The following ZNF71 variants were observed in gnomAD, a reference collection of about 807,000 sequenced individuals.
ZNF71 encodes the protein endothelial zinc finger protein induced by tumor necrosis factor alpha.
Under a neutral mutation model 6.7 loss-of-function variants are expected in ZNF71, and 3 were observed. The ratio of observed to expected loss-of-function variants is 0.45; its 90% CI spans 0.20 to 1.16. ZNF71 has a LOEUF of 1.16. Among genes scored for constraint, ZNF71 ranks in the 50% most tolerant of loss-of-function variants. The pLI is 0.25. For missense variants in ZNF71, 688 were observed against 728.6 expected, an observed-to-expected ratio of 0.94 and a Z score of 0.64; for synonymous variants, 343 against 311.1, an observed-to-expected ratio of 1.10 and a Z score of -1.08.
chr19:56,622,394 C>T lies in ZNF71; in HGVS notation c.1287C>T (p.Leu429=). The T allele has an allele frequency of 6.2e-7, 1 of 1,613,808 alleles. No individual in the cohort carries two copies. Residue 429 remains leucine (L), a synonymous_variant, in exon 4 of 4, where the codon CTC becomes CTT. Coordinates refer to ENST00000599599, the MANE Select transcript of ZNF71 (RefSeq NM_001370215.1). The part of the protein sequence containing the change: ...CGKAFSKNSS[L]TQHQRIHTGE... ...AGGCCTTCAGCAAGAACTCCTCGCT[C>T]ACGCAGCACCAGCGCATCCACACCG... is the stretch of plus-strand genomic sequence containing the variant.
At chr19:56,605,388 T>A (rs2044703030) in intron 2 of ZNF71, among the ~76,000 whole-genome samples, 1 of 152,188 alleles carries the variant, frequency 6.6e-6, no homozygotes, top group Non-Finnish European at 1.5e-5. Context: ...GCCTCAGCTG[T>A]GCCATCCATA....
At chr19:56,600,830 G>A (rs1223330160) in intron 1 of ZNF71, among the ~76,000 whole-genome samples, 4 of 152,170 alleles carry the variant, frequency 2.6e-5, no homozygotes, top group Non-Finnish European at 4.4e-5. Flanking sequence ...AGGAGAACTG[G>A]AGGAGAATTG....
chr19:56,621,569 C>T lies in ZNF71; in HGVS notation c.462C>T (p.Asp154=), dbSNP rs148434207. Residue 154 remains aspartate (D), a synonymous_variant, in exon 4 of 4, where the codon GAC becomes GAT. Coordinates refer to ENST00000599599, the MANE Select transcript of ZNF71 (RefSeq NM_001370215.1). ...GTGTCCTGGTCCCACCACGGCTGGACGACCCCACAGAAAAGGGGGCCTGTC... is the reference window on the plus strand; with the variant it reads ...GTGTCCTGGTCCCACCACGGCTGGATGACCCCACAGAAAAGGGGGCCTGTC... ...QGCVLVPPRL[D]DPTEKGACPP... The T allele has an allele frequency of 7.0e-5, 113 of 1,614,066 alleles. No homozygotes were observed. Among genetic ancestry groups the T allele is most frequent in the Non-Finnish European group, 8.6e-5 (102 of 1,180,028 alleles).
At chr19:56,602,581 G>A (rs747669537) in intron 2 of ZNF71, among the ~76,000 whole-genome samples, 7 of 152,286 alleles carry the variant, frequency 4.6e-5, no homozygotes, top group Middle Eastern at 3.4e-3. Flanking sequence ...ATGGTGCCAC[G>A]TGATTTATTT....
At chr19:56,602,395 A>G (rs2044677548) in intron 2 of ZNF71, among the ~76,000 whole-genome samples, 1 of 152,210 alleles carries the variant, frequency 6.6e-6, no homozygotes, top group Non-Finnish European at 1.5e-5. Flanking sequence ...TTACGGCGGT[A>G]TGTATTCCCA....
At chr19:56,596,120 G>T (rs2044620864) in intron 1 of ZNF71, among the ~76,000 whole-genome samples, 1 of 151,976 alleles carries the variant, frequency 6.6e-6, no homozygotes, top group Non-Finnish European at 1.5e-5. Context: ...TGTTGTGGGT[G>T]TGTCAGCCTT....
At position 56,613,994 on chromosome 19, in the gene ZNF71, A is replaced by C. The variant is rs2044771317; in HGVS notation, c.160+56A>C. ...ATTGGCCCATAACTTCAGGACCACA[A>C]ATAAATTAAAAAAAAAAAAAGATCA... is the stretch of plus-strand genomic sequence containing the variant. On this transcript the variant is annotated intron_variant, in intron 3 of 3. Transcript: ENST00000599599. This position sits in a 1 kb window ranked among gnomAD's most constrained non-coding sequence, Gnocchi z 4.6. 15 of 1,037,008 alleles carry C rather than the reference A, an allele frequency of 1.4e-5. No individual in the cohort carries two copies. Among genetic ancestry groups the C allele is most frequent in the African/African-American group, 1.8e-5 (1 of 57,102 alleles). 64.2% of individuals were successfully genotyped at this position (1,037,008 alleles called of 1,614,324 possible).
chr19:56,622,166 C>T lies in ZNF71; in HGVS notation c.1059C>T (p.Thr353=), dbSNP rs1398876058. ...MHLTEHQRTH[T]GEKPYACKEC... ...TGACCGAGCACCAGCGCACGCACACCGGGGAGAAGCCGTACGCCTGCAAGG... is the reference window on the plus strand; with the variant it reads ...TGACCGAGCACCAGCGCACGCACACTGGGGAGAAGCCGTACGCCTGCAAGG... Residue 353 remains threonine, a synonymous_variant, in exon 4 of 4, where the codon ACC becomes ACT. Coordinates refer to ENST00000599599, the MANE Select transcript of ZNF71 (RefSeq NM_001370215.1). The T allele has an allele frequency of 6.2e-7, 1 of 1,612,890 alleles. No homozygotes were observed. Among genetic ancestry groups the T allele is most frequent in the Non-Finnish European group, 8.5e-7 (1 of 1,179,676 alleles).
At chr19:56,612,308 A>G (rs1363305824) in intron 2 of ZNF71, among the ~76,000 whole-genome samples, 1 of 152,186 alleles carries the variant, frequency 6.6e-6, no homozygotes, top group Admixed American at 6.5e-5. Context: ...GTGCCCATCA[A>G]CCAATGAATA....
intron 2 of ZNF71, among the ~76,000 whole-genome samples, chr19:56,608,232 T>A (rs994473411): frequency 6.6e-6 from 1 of 152,160 alleles, no homozygotes; most frequent in Admixed American, 6.5e-5. Context: ...TCCAGAACTC[T>A]TTGATCTTGT....
Position 56,603,123 on chromosome 19 carries a change from G to T in ZNF71, c.33+1532G>T, listed in dbSNP as rs182677824. On this transcript the variant is annotated intron_variant, in intron 2 of 3. Coordinates refer to ENST00000599599, the MANE Select transcript of ZNF71 (RefSeq NM_001370215.1). The surrounding 1 kb of genome is among the most constrained non-coding windows in gnomAD (Gnocchi z 4.6). ...AAAGTGTACAATTCACTGATTTTGG[G>T]TACATTCATAGAGTCGCGTTAACCA... Among the ~76,000 whole-genome samples, 3 of 152,178 alleles carry T rather than the reference G, an allele frequency of 2.0e-5. No homozygotes were observed. The highest frequency in any genetic ancestry group is 2.0e-4 in the Admixed American group (3 of 15,290).
Position 56,622,929 on chromosome 19 carries a change from A to G in ZNF71, c.*172A>G, listed in dbSNP as rs1159928888. On this transcript the variant is annotated 3_prime_UTR_variant, in exon 4 of 4. Coordinates refer to ENST00000599599, the MANE Select transcript of ZNF71 (RefSeq NM_001370215.1). Reference sequence around the variant, plus strand: ...GGCTGATCACACATGCCCCCTCCTTACTGAGCCTCAGAAAGCAAGCCCCTC... The same window carrying G: ...GGCTGATCACACATGCCCCCTCCTTGCTGAGCCTCAGAAAGCAAGCCCCTC... The G allele has an allele frequency of 2.4e-6, 2 of 845,356 alleles. No individual in the cohort carries two copies. The highest frequency in any genetic ancestry group is 3.6e-6 in the Non-Finnish European group (2 of 551,196). The allele number at this position is 845,356 out of a possible 1,614,324, so 52.4% of individuals were successfully genotyped here. A position where few individuals can be genotyped will look rare whatever the true frequency, so the allele number is the denominator to read the frequency against.
rs1362155253 is a variant in ZNF71 at position 56,601,506 on chromosome 19, G to C, written c.-52-1G>C. On this transcript the variant is annotated splice_acceptor_variant, in intron 1 of 3. Coordinates refer to ENST00000599599, the MANE Select transcript of ZNF71 (RefSeq NM_001370215.1). LOFTEE classifies it low-confidence loss of function (5UTR_SPLICE). ...TGCCTCCCTCTTTCTTCTCCCTACAGCACTGTTGGTCACCGCAGGCCTGTC... is the reference window on the plus strand; with the variant it reads ...TGCCTCCCTCTTTCTTCTCCCTACACCACTGTTGGTCACCGCAGGCCTGTC... 1 of 984,772 alleles carries C rather than the reference G, an allele frequency of 1.0e-6. No homozygotes were observed. Among genetic ancestry groups the C allele is most frequent in the African/African-American group, 1.8e-5 (1 of 57,084 alleles). 61.0% of individuals were successfully genotyped at this position (984,772 alleles called of 1,614,324 possible).
At position 56,621,984 on chromosome 19, in the gene ZNF71, G is replaced by T. The variant is rs777447946; in HGVS notation, c.877G>T (p.Glu293Ter). The T allele has an allele frequency of 6.3e-7, 1 of 1,591,112 alleles. No individual in the cohort carries two copies. Reference sequence around the variant, plus strand: ...GAAGACTTCCTCTCTCACCCAGCACGAGCGGATCCACACGGGGGAGAAGCC... The same window carrying T: ...GAAGACTTCCTCTCTCACCCAGCACTAGCGGATCCACACGGGGGAGAAGCC... ...FRKTSSLTQH[E>*]RIHTGEKPYA... The change falls in exon 4 of 4, where the codon GAG becomes TAG. Residue 293 changes from glutamate to a stop codon, truncating the protein, a stop_gained. Coordinates refer to ENST00000599599, the MANE Select transcript of ZNF71 (RefSeq NM_001370215.1). LOFTEE classifies it low-confidence loss of function (END_TRUNC).
At chr19:56,621,149 G>A (rs184980881) in intron 3 of ZNF71, 119 bp from the exon 4 acceptor site, 120 of 999,280 alleles carry the variant, frequency 1.2e-4, no homozygotes, top group East Asian at 2.7e-4. Flanking sequence ...TTGCTAACTC[G>A]CTCTGTGCCT....
intron 2 of ZNF71, among the ~76,000 whole-genome samples, chr19:56,605,241 G>A (rs1243339927): frequency 2.0e-5 from 3 of 152,102 alleles, no homozygotes; most frequent in Non-Finnish European, 4.4e-5. Flanking sequence ...CTTGGGGGTT[G>A]TACCACTGAA....
In ZNF71 at chr19:56,598,183, A is replaced by C. The variant is rs1292081772; in HGVS notation, c.-53+2755A>C. Among the ~76,000 whole-genome samples the C allele has an allele frequency of 6.6e-6, 1 of 152,120 alleles. No homozygotes were observed. The highest frequency in any genetic ancestry group is 2.4e-5 in the African/African-American group (1 of 41,436). ...GGGGAGAGAGTTGCTGCTTGAGGTC[A>C]GGTGATTGGGGGTAGAGGACTTCTC... On this transcript the variant is annotated intron_variant, in intron 1 of 3. Coordinates refer to ENST00000599599, the MANE Select transcript of ZNF71 (RefSeq NM_001370215.1). This position sits in a 1 kb window ranked among gnomAD's most constrained non-coding sequence, Gnocchi z 4.2.
At chr19:56,606,899 A>G (rs1363838642) in intron 2 of ZNF71, among the ~76,000 whole-genome samples, 1 of 152,184 alleles carries the variant, frequency 6.6e-6, no homozygotes, top group Non-Finnish European at 1.5e-5. Context: ...CCCTAAGGCC[A>G]GCCCACATTC....
At chr19:56,615,790 T>G (rs2044786588) in intron 3 of ZNF71, among the ~76,000 whole-genome samples, 2 of 152,200 alleles carry the variant, frequency 1.3e-5, no homozygotes, top group Non-Finnish European at 2.9e-5. Context: ...TTTTTAATTT[T>G]GATGTAGTGC....
Sources: allele counts gnomAD v4.1 joint callset (sites outside exome capture counted in the v4.1 genomes callset), GRCh38; gene constraint gnomAD v4.1.1; non-coding constraint Gnocchi (gnomAD v3.1); transcripts MANE v1.5; gene names NCBI Gene and HGNC (gene_info 2026-07-23, HGNC 2026-07-21).